GET1: variants seen among roughly 807,000 people sequenced by gnomAD.
GET1 encodes congenital heart disease 5 protein.
In GET1, 20 loss-of-function variants were observed where a neutral mutation model predicts 22.6. That is an observed-to-expected ratio of 0.89 (90% CI 0.62 to 1.29). The LOEUF (loss-of-function observed/expected upper bound fraction) is 1.29. Among genes scored for constraint, GET1 ranks in the 50% most tolerant of loss-of-function variants. The pLI, the probability that GET1 is intolerant of heterozygous loss-of-function variation, is 0.00. For synonymous variants in GET1, 92 were observed against 83.8 expected, an observed-to-expected ratio of 1.10 and a Z score of -0.53; for missense variants, 209 against 219.9, an observed-to-expected ratio of 0.95 and a Z score of 0.31.
intron 4 of GET1, among the ~76,000 whole-genome samples, chr21:39,404,115 G>C (rs2038924702): frequency 6.6e-6 from 1 of 152,174 alleles, no homozygotes; most frequent in African/African-American, 2.4e-5. Flanking sequence ...AAATAGTATG[G>C]TCTAGATTAT....
chr21:39,427,179 G>A (rs143527854), intron 1 of GET1, among the ~76,000 whole-genome samples: 236 of 152,258 alleles, frequency 1.5e-3, no homozygotes, highest in African/African-American at 5.5e-3. Flanking sequence ...GTTGACTGAA[G>A]TGCTCTGATG....
chr21:39,407,223 TCAAAA>T (rs903799630), downstream of GET1, among the ~76,000 whole-genome samples: 7 of 152,202 alleles, frequency 4.6e-5, no homozygotes, highest in South Asian at 2.1e-4. Flanking sequence ...CAGAGCTGTT[TCAAAA>T]CAAAACAAAA....
chr21:39,396,672 CGAGACTCCGTCTCA>C (rs1355121108), intron 4 of GET1, among the ~76,000 whole-genome samples, 180 bp from the exon 5 acceptor site: 1 of 129,380 alleles, frequency 7.7e-6, no homozygotes. Flanking sequence ...GGGGACAGAG[CGAGACTCCGTCTCA>C]AAAAAAAAAA....
At chr21:39,409,243 A>C (rs965455353), downstream of GET1, among the ~76,000 whole-genome samples, 4 of 152,182 alleles carry the variant, frequency 2.6e-5, no homozygotes, top group Non-Finnish European at 5.9e-5. This position sits in a 1 kb window ranked among gnomAD's most constrained non-coding sequence, Gnocchi z 4.2. Flanking sequence ...TAAAGCCAGG[A>C]AGAGGGCCTT....
At position 39,417,974 on chromosome 21, in the gene GET1, G is replaced by T. The variant is rs1284006637; in HGVS notation, c.*23+7037G>T. 3.3e-5 allele frequency among the ~76,000 whole-genome samples: 5 copies of T among 152,138 alleles called. No individual in the cohort carries two copies. The East Asian group carries it at 9.7e-4, about 29-fold the overall frequency. ...GTAGAGATGGGGTTTCGCCGTGTTT[G>T]CCAGGATTGTCTCCATCTCCTGACC... On this transcript the variant is annotated intron_variant, in intron 1 of 1. Coordinates refer to the GET1 transcript ENST00000478273.
intron 1 of GET1, chr21:39,411,919 G>GTCTTCT (rs2040150565): frequency 1.7e-6 from 1 of 594,910 alleles, no homozygotes; most frequent in Non-Finnish European, 3.0e-6. Context: ...GTAGATTTTA[G>GTCTTCT]AAGAAACAGA....
chr21:39,395,782 G>A (rs1051735821), intron 4 of GET1, among the ~76,000 whole-genome samples: 1 of 152,120 alleles, frequency 6.6e-6, no homozygotes, highest in African/African-American at 2.4e-5. Flanking sequence ...TCTGCACTGC[G>A]GCCAGAGAAG....
chr21:39,418,737 T>C (rs1476376779), intron 1 of GET1, among the ~76,000 whole-genome samples: 1 of 152,130 alleles, frequency 6.6e-6, no homozygotes, highest in Non-Finnish European at 1.5e-5. Flanking sequence ...CAACCTCAGG[T>C]GATCTGCCCG....
chr21:39,391,985 C>A, intron 3 of GET1, 149 bp downstream of exon 3: 1 of 688,798 alleles, frequency 1.5e-6, no homozygotes, highest in East Asian at 2.8e-5. Context: ...TCTAAACACT[C>A]TCGGTCTCTA....
At position 39,423,006 on chromosome 21, in the gene GET1, TG is replaced by T. The variant is rs779556368; in HGVS notation, c.*24-5225del. On this transcript the variant is annotated intron_variant, in intron 1 of 1. Transcript: ENST00000478273. ...TTTTTTTGTCATTTGCGTCCATTTTTGTTGTGATAATAGATAATTTATGAGT... is the reference window on the plus strand; with the variant it reads ...TTTTTTTGTCATTTGCGTCCATTTTTTTGTGATAATAGATAATTTATGAGT... The T allele has an allele frequency of 8.7e-6, 14 of 1,613,712 alleles. No homozygotes were observed. In the South Asian group the frequency reaches 1.5e-4, roughly 18 times the overall value.
chr21:39,396,334 A>G (rs1484853263), intron 4 of GET1, among the ~76,000 whole-genome samples: 1 of 151,960 alleles, frequency 6.6e-6, no homozygotes, highest in Non-Finnish European at 1.5e-5. Flanking sequence ...AGTTCAGGAG[A>G]TCGAGACCAC....
chr21:39,423,636 C>T, intron 1 of GET1: 1 of 600,124 alleles, frequency 1.7e-6, no homozygotes, highest in Non-Finnish European at 2.7e-6. Flanking sequence ...GGGGACAAAA[C>T]TATCATTTAA....
downstream of GET1, among the ~76,000 whole-genome samples, chr21:39,400,292 A>G (rs780782111): frequency 3.3e-5 from 5 of 152,030 alleles, no homozygotes; most frequent in Admixed American, 6.6e-5. Context: ...TTAAAATACT[A>G]TCTGTATGAC....
rs758405793 is a variant in GET1 at position 39,391,852 on chromosome 21, C to T, written c.336+16C>T. On this transcript the variant is annotated intron_variant, in intron 3 of 4. Transcript: ENST00000649170. ...CGTATTGCAGGTAAGTGTGCTAGAG[C>T]GTCAGCCGGGTCATTGGAGTTGGTG... 9.9e-6 allele frequency: 16 copies of T among 1,613,746 alleles called. No individual in the cohort carries two copies. Among genetic ancestry groups the T allele is most frequent in the African/African-American group, 4.0e-5 (3 of 74,892 alleles).
At chr21:39,422,977 T>C in intron 1 of GET1, 1 of 1,613,132 alleles carries the variant, frequency 6.2e-7, no homozygotes, top group Non-Finnish European at 8.5e-7. Flanking sequence ...AATACAGACC[T>C]GTATTTTTTT....
downstream of GET1, among the ~76,000 whole-genome samples, chr21:39,409,048 A>G (rs2039606553): frequency 6.6e-6 from 1 of 152,156 alleles, no homozygotes; most frequent in African/African-American, 2.4e-5. This position sits in a 1 kb window ranked among gnomAD's most constrained non-coding sequence, Gnocchi z 4.2. Context: ...CAGTATGGCT[A>G]TATTTGGAGA....
chr21:39,421,116 T>C (rs2042232210), intron 1 of GET1, among the ~76,000 whole-genome samples: 1 of 151,800 alleles, frequency 6.6e-6, no homozygotes, highest in Non-Finnish European at 1.5e-5. Context: ...TTTTTTTTTT[T>C]TTCTAAGTTG....
At position 39,390,870 on chromosome 21, in the gene GET1, T is replaced by G; in HGVS notation, c.268+7T>G. The G allele has an allele frequency of 6.2e-7, 1 of 1,613,952 alleles. No homozygotes were observed. The highest frequency in any genetic ancestry group is 8.5e-7 in the Non-Finnish European group (1 of 1,179,892). On this transcript the variant is annotated splice_region_variant and intron_variant, in intron 2 of 4. Transcript: ENST00000649170. ...GATAAGCTCAAAACCCATGGTACTGTGTCCCTTGCAGCCTGGAGGCTTCAT... is the reference window on the plus strand; with the variant it reads ...GATAAGCTCAAAACCCATGGTACTGGGTCCCTTGCAGCCTGGAGGCTTCAT...
At position 39,428,296 on chromosome 21, in the gene GET1, A is replaced by C. The variant is rs1421672041; in HGVS notation, c.*88A>C. On this transcript the variant is annotated 3_prime_UTR_variant, in exon 2 of 2. Transcript: ENST00000478273. ...AATCACAGAGAAAGTCTTCTGAATA[A>C]TCATACTGAGAACTTAAACTTCCAC... The C allele has an allele frequency of 3.1e-6, 5 of 1,612,236 alleles. No homozygotes were observed. In the African/African-American group the frequency reaches 6.7e-5, roughly 22 times the overall value.
Sources: gnomAD v4.1 joint callset for allele counts (sites outside exome capture counted in the v4.1 genomes callset) on GRCh38, gnomAD v4.1.1 for gene constraint, Gnocchi (gnomAD v3.1) non-coding constraint, MANE v1.5 for transcripts, NCBI Gene and HGNC (gene_info 2026-07-23, HGNC 2026-07-21) for gene names.